Variants in NMBR observed in about 807,000 individuals in gnomAD.
NMBR encodes neuromedin B receptor.
A neutral mutation model predicts 20.5 loss-of-function variants in NMBR; 16 were observed. The ratio of observed to expected loss-of-function variants is 0.78; its 90% CI spans 0.53 to 1.19. The LOEUF (loss-of-function observed/expected upper bound fraction) is 1.19. Among genes scored for constraint, NMBR ranks in the 50% most tolerant of loss-of-function variants. The probability of loss-of-function intolerance (pLI) is 0.00; values close to 1 mark genes in which losing one functional copy is unlikely to be tolerated. For missense variants in NMBR, 582 were observed against 499.1 expected (o/e 1.17, Z -1.58); for synonymous variants, 212 against 196.6 (o/e 1.08, Z -0.65).
intron 1 of NMBR, among the ~76,000 whole-genome samples, chr6:142,098,662 T>C (rs776230678): frequency 1.5e-4 from 23 of 152,054 alleles, no homozygotes; most frequent in Admixed American, 6.6e-4. Flanking sequence ...CTGAAGAAAA[T>C]TGGAGAACTA....
chr6:142,139,989 C>A (rs528490520), intron 1 of NMBR, among the ~76,000 whole-genome samples: 1 of 151,938 alleles, frequency 6.6e-6, no homozygotes, highest in South Asian at 2.1e-4. Flanking sequence ...GAAGCTTTTC[C>A]GACTATTTAT....
At chr6:142,139,654 T>G (rs746694595) in intron 1 of NMBR, among the ~76,000 whole-genome samples, 17 of 152,206 alleles carry the variant, frequency 1.1e-4, no homozygotes, top group Non-Finnish European at 2.2e-4. Context: ...TTCTTTGAAC[T>G]AAACACTACA....
At chr6:142,101,039 C>T (rs760728475) in intron 1 of NMBR, among the ~76,000 whole-genome samples, 8 of 152,122 alleles carry the variant, frequency 5.3e-5, no homozygotes, top group Non-Finnish European at 7.4e-5. Flanking sequence ...CCAGAGTAGG[C>T]TCAAAGAGAC....
chr6:142,139,816 T>C (rs1020569268), intron 1 of NMBR, among the ~76,000 whole-genome samples: 1 of 152,224 alleles, frequency 6.6e-6, no homozygotes, highest in Admixed American at 6.5e-5. Flanking sequence ...AAATGCTATA[T>C]ATCAAAATTC....
chr6:142,137,738 A>G (rs1282885072), intron 1 of NMBR, among the ~76,000 whole-genome samples: 2 of 152,148 alleles, frequency 1.3e-5, no homozygotes, highest in Non-Finnish European at 1.5e-5. Flanking sequence ...CCTTTTCTGC[A>G]TCTATTGAGA....
chr6:142,095,482 C>T (rs1431357019), intron 1 of NMBR, among the ~76,000 whole-genome samples: 1 of 152,180 alleles, frequency 6.6e-6, no homozygotes, highest in African/African-American at 2.4e-5. Context: ...TTGAACCAGC[C>T]TTGCATCCCA....
chr6:142,088,964 G>C lies in NMBR; in HGVS notation c.-306C>G, dbSNP rs1041716373. Among the ~76,000 whole-genome samples, 2 of 151,906 alleles carry C rather than the reference G, an allele frequency of 1.3e-5. No homozygotes were observed. The highest frequency in any genetic ancestry group is 1.3e-4 in the Admixed American group (2 of 15,274). On this transcript the variant is annotated 5_prime_UTR_variant, in exon 2 of 4. Transcript: ENST00000258042. ...TCCGTATTCAGTGGTTTGTTCTCGC[G>C]GTTATCTAGCGGAAAACAGCCTTTC...
At chr6:142,121,616 C>CTT (rs200842223) in intron 1 of NMBR, among the ~76,000 whole-genome samples, 2 of 150,512 alleles carry the variant, frequency 1.3e-5, no homozygotes, top group African/African-American at 4.9e-5. Flanking sequence ...ATTTTAAAAC[C>CTT]TTTTTTTTTC....
At chr6:142,117,697 T>G (rs1335843959) in intron 1 of NMBR, among the ~76,000 whole-genome samples, 1 of 151,920 alleles carries the variant, frequency 6.6e-6, no homozygotes, top group Non-Finnish European at 1.5e-5. Context: ...TCTACAAGTA[T>G]TTCCCAAATT....
intron 2 of NMBR, 85 bp from the exon 3 acceptor site, chr6:142,078,988 G>C: frequency 1.2e-6 from 1 of 856,396 alleles, no homozygotes; most frequent in Non-Finnish European, 1.7e-6. Context: ...AAGAAAGGAA[G>C]AAAGGGAGAG....
chr6:142,079,197 G>GGGAA (rs753320241), intron 2 of NMBR, among the ~76,000 whole-genome samples: 6 of 151,466 alleles, frequency 4.0e-5, no homozygotes, highest in Non-Finnish European at 7.4e-5. Context: ...GAAAAGAAAA[G>GGGAA]GGAAGGAAGG....
chr6:142,139,284 A>C (rs1399144056), intron 1 of NMBR, among the ~76,000 whole-genome samples: 19 of 152,058 alleles, frequency 1.2e-4, no homozygotes, highest in Non-Finnish European at 1.0e-4. Context: ...ATTTATTCTT[A>C]CTCTGATTCA....
intron 1 of NMBR, among the ~76,000 whole-genome samples, chr6:142,093,337 GT>G (rs1777373468): frequency 8.2e-6 from 1 of 121,738 alleles, no homozygotes; most frequent in Admixed American, 1.1e-4. Context: ...GGTGTGTGAT[GT>G]TCCCCTTCCT....
intron 1 of NMBR, among the ~76,000 whole-genome samples, chr6:142,137,537 A>G (rs1168167229): frequency 6.6e-6 from 1 of 152,134 alleles, no homozygotes; most frequent in African/African-American, 2.4e-5. Flanking sequence ...ACTATGTTGA[A>G]TAGGAGTGGT....
In NMBR at chr6:142,088,001, T is replaced by C. The variant is rs1462011489; in HGVS notation, c.422+236A>G. On this transcript the variant is annotated intron_variant, in intron 2 of 3. Coordinates refer to ENST00000258042, the MANE Select transcript of NMBR (RefSeq NM_002511.4). ...CTAGGAGATGCAATTTTAAATGCAA[T>C]TTTAATTGTTTTTTTTAAAACATAG... is the stretch of plus-strand genomic sequence containing the variant. Among the ~76,000 whole-genome samples, 3 of 152,180 alleles carry C rather than the reference T, an allele frequency of 2.0e-5. 1 individual carries two copies. The East Asian group carries it at 5.8e-4, about 29-fold the overall frequency.
intron 1 of NMBR, among the ~76,000 whole-genome samples, chr6:142,141,695 G>C (rs908765749): frequency 6.6e-6 from 1 of 151,978 alleles, no homozygotes; most frequent in Non-Finnish European, 1.5e-5. Context: ...TAGTAGAGAT[G>C]GGGTTTCACC....
rs759977066 is a variant in NMBR, at chr6:142,088,435, C to T, written c.224G>A (p.Arg75Lys). ...VKIFITNSAM[R>K]SVPNIFISNL... is the part of the protein sequence containing the mutation. ...AGAGATGAAGATGTTGGGGACGCTC[C>T]TCATGGCGCTGTTGGTGATGAAGAT... Residue 75 changes from arginine (R) to lysine (K), a missense_variant, in exon 2 of 4, where the codon AGG (arginine) becomes AAG (lysine). Transcript: ENST00000258042. 6.2e-7 allele frequency: 1 copy of T among 1,614,026 alleles called. No homozygotes were observed.
At chr6:142,113,991 C>T (rs1035478135) in intron 1 of NMBR, among the ~76,000 whole-genome samples, 29 of 152,118 alleles carry the variant, frequency 1.9e-4, no homozygotes, top group African/African-American at 4.3e-4. Flanking sequence ...ATTCCCCCTA[C>T]GTGGCATCTT....
In NMBR at chr6:142,074,662, G is replaced by A. The variant is rs34982526; in HGVS notation, c.*986C>T. ...GTGATCCCACATACTTGTCAGTTGG[G>A]TATTGCAAGAGAGGATGAGTAAATG... is the stretch of plus-strand genomic sequence containing the variant. On this transcript the variant is annotated 3_prime_UTR_variant, in exon 4 of 4. Transcript: ENST00000258042. Among the ~76,000 whole-genome samples, 5,399 of 152,088 alleles carry A rather than the reference G, an allele frequency of 0.035. 164 individuals carry two copies. The highest frequency in any genetic ancestry group is 0.057 in the Non-Finnish European group (3,865 of 67,906).
Sources: gnomAD v4.1 joint callset for allele counts (sites outside exome capture counted in the v4.1 genomes callset) on GRCh38, gnomAD v4.1.1 for gene constraint, MANE v1.5 for transcripts, NCBI Gene and HGNC (gene_info 2026-07-23, HGNC 2026-07-21) for gene names.